GALNT13: variants seen among roughly 807,000 people sequenced by gnomAD.
The protein encoded by GALNT13 is UDP-GalNAc:polypeptide N-acetylgalactosaminyltransferase 13.
In GALNT13, 28 loss-of-function variants were observed where a neutral mutation model predicts 64.2. The observed-to-expected ratio is 0.44, with a 90% CI of 0.32 to 0.60. The LOEUF is 0.60. Ranked by LOEUF, GALNT13 falls within the 20% of genes least tolerant of loss-of-function variation. The pLI is 0.05. For missense variants in GALNT13, 577 were observed against 669.8 expected (o/e 0.86, Z 1.53); for synonymous variants, 214 against 224.6 (o/e 0.95, Z 0.42).
intron 4 of GALNT13, among the ~76,000 whole-genome samples, chr2:154,238,185 C>T (rs966963380): frequency 6.6e-6 from 1 of 151,972 alleles, no homozygotes; most frequent in East Asian, 1.9e-4. Flanking sequence ...AAGATATCCA[C>T]AAGAGGTTGA....
At chr2:154,411,063 T>C (rs1234188185) in intron 11 of GALNT13, among the ~76,000 whole-genome samples, 2 of 151,870 alleles carry the variant, frequency 1.3e-5, no homozygotes, top group African/African-American at 4.8e-5. Context: ...AGTAAATAGA[T>C]GAAAGATTGT....
chr2:153,514,281 T>C, the GALNT13 span, among the ~76,000 whole-genome samples: 1 of 152,208 alleles, frequency 6.6e-6, no homozygotes, highest in Non-Finnish European at 1.5e-5. Context: ...GGGTTATTTA[T>C]TTCGGTGACT....
the GALNT13 span, among the ~76,000 whole-genome samples, chr2:153,693,223 A>G: frequency 6.6e-6 from 1 of 152,194 alleles, no homozygotes; most frequent in Non-Finnish European, 1.5e-5. Flanking sequence ...AGTGCTGTCT[A>G]TGATTTCTTG....
At chr2:153,107,758 CT>C in the GALNT13 span, among the ~76,000 whole-genome samples, 4 of 152,078 alleles carry the variant, frequency 2.6e-5, no homozygotes, top group African/African-American at 9.7e-5. Flanking sequence ...AAAATATACA[CT>C]TGAGAATGCG....
chr2:153,817,942 T>C, the GALNT13 span, among the ~76,000 whole-genome samples: 1 of 152,162 alleles, frequency 6.6e-6, no homozygotes, highest in Non-Finnish European at 1.5e-5. Flanking sequence ...TAATGTGCAC[T>C]GCTCGCATGG....
At chr2:153,522,932 C>A in the GALNT13 span, among the ~76,000 whole-genome samples, 1 of 151,828 alleles carries the variant, frequency 6.6e-6, no homozygotes, top group Admixed American at 6.6e-5. Context: ...ATTGATAAAC[C>A]CAAGGACATG....
At chr2:154,208,064 A>C (rs1687559911) in intron 4 of GALNT13, among the ~76,000 whole-genome samples, 1 of 152,294 alleles carries the variant, frequency 6.6e-6, no homozygotes, top group African/African-American at 2.4e-5. Flanking sequence ...GGATGTTATC[A>C]ATTTTTCATA....
chr2:154,390,454 C>T (rs1698734407), intron 9 of GALNT13, among the ~76,000 whole-genome samples: 1 of 152,096 alleles, frequency 6.6e-6, no homozygotes, highest in African/African-American at 2.4e-5. Flanking sequence ...GAGTTAACTC[C>T]CACTTATAAG....
At chr2:154,230,962 A>G (rs73965409) in intron 4 of GALNT13, among the ~76,000 whole-genome samples, 15 of 152,252 alleles carry the variant, frequency 9.9e-5, no homozygotes, top group African/African-American at 3.1e-4. Context: ...GCAGTGGACA[A>G]TAAGAGAGGA....
At chr2:153,653,816 C>G in the GALNT13 span, among the ~76,000 whole-genome samples, 1 of 152,078 alleles carries the variant, frequency 6.6e-6, no homozygotes, top group African/African-American at 2.4e-5. Context: ...TTGGAATAAT[C>G]AAATATTTGA....
Position 154,433,049 on chromosome 2 carries a change from C to G in GALNT13, c.1396-5543C>G, listed in dbSNP as rs145868523. ...TTGCAACCCATGCAATCACACAGAT[C>G]CCTACAATCTTGGAATTCTTGGTAA... On this transcript the variant is annotated intron_variant, in intron 11 of 12. Coordinates refer to ENST00000392825, the MANE Select transcript of GALNT13 (RefSeq NM_052917.4). Among the ~76,000 whole-genome samples, 30 of 152,238 alleles carry G rather than the reference C, an allele frequency of 2.0e-4. No individual in the cohort carries two copies. The East Asian group carries it at 5.2e-3, about 26-fold the overall frequency.
At chr2:154,082,418 C>T (rs1701315645) in intron 3 of GALNT13, among the ~76,000 whole-genome samples, 1 of 151,606 alleles carries the variant, frequency 6.6e-6, no homozygotes, top group African/African-American at 2.4e-5. Context: ...GGTTGTTGCA[C>T]ATAAACGTGC....
intron 3 of GALNT13, among the ~76,000 whole-genome samples, chr2:154,068,049 A>G (rs1002314300): frequency 2.0e-5 from 3 of 152,112 alleles, no homozygotes; most frequent in Non-Finnish European, 4.4e-5. Flanking sequence ...AAAATGGGCC[A>G]AAGATCTGAA....
chr2:154,140,508 A>G lies in GALNT13; in HGVS notation c.311+3A>G. On this transcript the variant is annotated splice_donor_region_variant and intron_variant, in intron 4 of 12. Coordinates refer to ENST00000392825, the MANE Select transcript of GALNT13 (RefSeq NM_052917.4). ...CTGCCAGATGTAAGATTAGAAGGGT[A>G]AGTTTGCATTTGTTATATAATCTTT... 6.3e-7 allele frequency: 1 copy of G among 1,592,222 alleles called. No homozygotes were observed. The highest frequency in any genetic ancestry group is 8.6e-7 in the Non-Finnish European group (1 of 1,164,686).
the GALNT13 span, among the ~76,000 whole-genome samples, chr2:153,236,160 C>A: frequency 6.6e-6 from 1 of 152,116 alleles, no homozygotes; most frequent in South Asian, 2.1e-4. Context: ...AAGTGAGGAA[C>A]CTTCAGAAGA....
the GALNT13 span, among the ~76,000 whole-genome samples, chr2:153,501,295 TTTG>T: frequency 1.6e-4 from 24 of 152,142 alleles, no homozygotes; most frequent in South Asian, 1.2e-3. Context: ...CACCTCCTTT[TTTG>T]TTGTTGTTGT....
the GALNT13 span, among the ~76,000 whole-genome samples, chr2:153,235,145 C>T: frequency 1.3e-5 from 2 of 151,928 alleles, no homozygotes; most frequent in Admixed American, 1.3e-4. Flanking sequence ...AGGTAGTTGC[C>T]CTCTGTCTCT....
rs1574514874 is a variant in GALNT13 at position 154,109,171 on chromosome 2, A to T, written c.143-31166A>T. ...ATATTAACTCTTCCAATTCATGAAC[A>T]TGGAATATGTTTTCATATATTTGTG... On this transcript the variant is annotated intron_variant, in intron 3 of 12. Coordinates refer to ENST00000392825, the MANE Select transcript of GALNT13 (RefSeq NM_052917.4). 2.0e-5 allele frequency among the ~76,000 whole-genome samples: 3 copies of T among 152,102 alleles called. No individual in the cohort carries two copies. In the South Asian group the frequency reaches 6.2e-4, roughly 31 times the overall value.
chr2:153,861,447 A>G, the GALNT13 span, among the ~76,000 whole-genome samples: 1 of 152,104 alleles, frequency 6.6e-6, no homozygotes, highest in Non-Finnish European at 1.5e-5. Flanking sequence ...AGACTGGTGA[A>G]TGAAAATGAG....
Sources: gnomAD v4.1 joint callset for allele counts (sites outside exome capture counted in the v4.1 genomes callset) on GRCh38, gnomAD v4.1.1 for gene constraint, MANE v1.5 for transcripts, NCBI Gene and HGNC (gene_info 2026-07-23, HGNC 2026-07-21) for gene names.